KCNAB1: variants seen among roughly 807,000 people sequenced by gnomAD.
KCNAB1 encodes voltage-gated potassium channel subunit beta-1.
Under a neutral mutation model 64.6 loss-of-function variants are expected in KCNAB1, and 35 were observed. The observed-to-expected ratio is 0.54, with a 90% confidence interval of 0.41 to 0.72. The LOEUF is 0.72. Among genes scored for constraint, KCNAB1 ranks in the 30% least tolerant of loss-of-function variants. The pLI, the probability that KCNAB1 is intolerant of heterozygous loss-of-function variation, is 0.00. For synonymous variants in KCNAB1, 177 were observed against 183.8 expected (o/e 0.96, Z 0.30); for missense variants, 401 against 512.9 (o/e 0.78, Z 2.11).
At chr3:156,433,099 A>G (rs914070390) in intron 2 of KCNAB1, among the ~76,000 whole-genome samples, 5 of 152,128 alleles carry the variant, frequency 3.3e-5, no homozygotes, top group African/African-American at 7.2e-5. Context: ...CATGGATTTC[A>G]CAAAGATGCA....
intron 12 of KCNAB1, among the ~76,000 whole-genome samples, chr3:156,524,785 C>G (rs1242783443): frequency 7.3e-6 from 1 of 137,584 alleles, no homozygotes; most frequent in Non-Finnish European, 1.5e-5. Context: ...AAGAAAACCC[C>G]AAACCACATC....
rs367665032 is a variant in KCNAB1, at chr3:156,120,698, A to G, written c.87A>G (p.Ala29=). The G allele has an allele frequency of 2.5e-6, 4 of 1,614,140 alleles. No homozygotes were observed. In the African/African-American group the frequency reaches 4.0e-5, roughly 16 times the overall value. ...KLRRQSGFSV[A]GKDKSPKKAS... ...GGAGACAGTCTGGGTTTTCTGTAGC[A>G]GGGAAAGACAAATCTCCCAAGAAAG... The change falls in exon 1 of 14, where the codon GCA becomes GCG. Residue 29 remains alanine, a synonymous_variant. Transcript: ENST00000490337.
chr3:156,239,874 G>A (rs1004733304), intron 1 of KCNAB1, among the ~76,000 whole-genome samples: 1 of 152,114 alleles, frequency 6.6e-6, no homozygotes, highest in African/African-American at 2.4e-5. Flanking sequence ...CTCACGGAGA[G>A]TATTTGCTTA....
intron 1 of KCNAB1, among the ~76,000 whole-genome samples, chr3:156,211,398 T>C (rs1714994822): frequency 1.3e-5 from 2 of 152,226 alleles, no homozygotes; most frequent in Admixed American, 1.3e-4. Context: ...GTTTTAGATA[T>C]ATGGCCAATG....
chr3:156,217,709 C>G, intron 1 of KCNAB1, among the ~76,000 whole-genome samples: 1 of 152,188 alleles, frequency 6.6e-6, no homozygotes, highest in East Asian at 1.9e-4. Flanking sequence ...ATTTAACATG[C>G]CTGTGCCTCC....
intron 2 of KCNAB1, among the ~76,000 whole-genome samples, chr3:156,430,271 G>T (rs560461473): frequency 6.6e-6 from 1 of 152,208 alleles, no homozygotes; most frequent in Non-Finnish European, 1.5e-5. Flanking sequence ...AGAACTCGAG[G>T]AGAGAAAATA....
intron 1 of KCNAB1, among the ~76,000 whole-genome samples, chr3:156,395,260 T>C (rs549059318): frequency 4.7e-5 from 7 of 150,404 alleles, no homozygotes; most frequent in Non-Finnish European, 1.0e-4. Flanking sequence ...TCAGACATTG[T>C]TAGGGCCGGG....
intron 1 of KCNAB1, among the ~76,000 whole-genome samples, chr3:156,300,433 A>G (rs183788360): frequency 4.6e-5 from 7 of 152,218 alleles, no homozygotes; most frequent in Admixed American, 2.0e-4. Flanking sequence ...CTGACTCCCA[A>G]CTGTAACTAT....
Position 156,171,258 on chromosome 3 carries a change from CTG to C in KCNAB1, c.275+50376_275+50377del, listed in dbSNP as rs148719753. 8.5e-3 allele frequency among the ~76,000 whole-genome samples: 1,268 copies of C among 149,860 alleles called. 19 individuals carry two copies. Among genetic ancestry groups the C allele is most frequent in the African/African-American group, 0.029 (1,201 of 40,780 alleles). On this transcript the variant is annotated intron_variant, in intron 1 of 13. Transcript: ENST00000490337. ...CAGTTCCCATTTATATCATTTTAAC[CTG>C]TGTCACCCCTTGCAGGAACATCCAT...
chr3:156,399,623 G>A (rs1381284887), intron 1 of KCNAB1, among the ~76,000 whole-genome samples: 5 of 152,066 alleles, frequency 3.3e-5, no homozygotes, highest in African/African-American at 4.8e-5. Context: ...AGAGCTGCCC[G>A]GAAGAGACAA....
At chr3:156,353,566 A>G (rs1367540502) in intron 1 of KCNAB1, among the ~76,000 whole-genome samples, 1 of 152,170 alleles carries the variant, frequency 6.6e-6, no homozygotes, top group Admixed American at 6.5e-5. Context: ...TGGCTCAGGG[A>G]CCCTCACAAG....
chr3:156,187,095 C>T (rs1205029064), intron 1 of KCNAB1, among the ~76,000 whole-genome samples: 1 of 152,188 alleles, frequency 6.6e-6, no homozygotes, highest in Non-Finnish European at 1.5e-5. Flanking sequence ...CTCAAGCCAT[C>T]CTCCTGCCTT....
At chr3:156,409,467 T>A (rs536179357) in intron 1 of KCNAB1, among the ~76,000 whole-genome samples, 1 of 152,380 alleles carries the variant, frequency 6.6e-6, no homozygotes, top group South Asian at 2.1e-4. Flanking sequence ...TTTGATTTCA[T>A]TTTCAAGAGA....
intron 1 of KCNAB1, among the ~76,000 whole-genome samples, chr3:156,293,875 G>A (rs1720617198): frequency 6.6e-6 from 1 of 152,242 alleles, no homozygotes; most frequent in South Asian, 2.1e-4. Context: ...CTACTGAGAT[G>A]GAGATGAGCA....
At chr3:156,305,119 C>T (rs1350094239) in intron 1 of KCNAB1, among the ~76,000 whole-genome samples, 2 of 151,868 alleles carry the variant, frequency 1.3e-5, no homozygotes, top group African/African-American at 2.4e-5. Flanking sequence ...TCAAGAGTTT[C>T]AGGATTGTTT....
Position 156,145,099 on chromosome 3 carries a change from G to A in KCNAB1, c.275+24213G>A, listed in dbSNP as rs184564723. On this transcript the variant is annotated intron_variant, in intron 1 of 13. Transcript: ENST00000490337. ...TAGGTTTTGGGCGACTCTTCATGATGCCTTGGTGGGGAAGGCTCTGTTACC... is the reference window on the plus strand; with the variant it reads ...TAGGTTTTGGGCGACTCTTCATGATACCTTGGTGGGGAAGGCTCTGTTACC... Among the ~76,000 whole-genome samples, 5 of 152,278 alleles carry A rather than the reference G, an allele frequency of 3.3e-5. No homozygotes were observed. In the East Asian group the frequency reaches 9.7e-4, roughly 29 times the overall value.
chr3:156,170,191 A>G (rs933749888), intron 1 of KCNAB1, among the ~76,000 whole-genome samples: 7 of 150,488 alleles, frequency 4.7e-5, no homozygotes, highest in African/African-American at 1.5e-4. Context: ...TGTGGGGCCA[A>G]TCGTCATGGG....
In KCNAB1 at chr3:156,229,703, A is replaced by G. The variant is rs533488864; in HGVS notation, c.275+108817A>G. ...AGAGAGGGGTACAGAGAAGAGAGAC[A>G]ATGGATTAACACAGAAATGTATCGA... On this transcript the variant is annotated intron_variant, in intron 1 of 13. Transcript: ENST00000490337. Among the ~76,000 whole-genome samples, 124 of 152,266 alleles carry G rather than the reference A, an allele frequency of 8.1e-4. 1 individual carries two copies. The South Asian group carries it at 0.025, about 30-fold the overall frequency.
At chr3:156,352,587 C>T (rs1487384652) in intron 1 of KCNAB1, among the ~76,000 whole-genome samples, 2 of 152,342 alleles carry the variant, frequency 1.3e-5, no homozygotes, top group South Asian at 4.1e-4. Flanking sequence ...AGGAACCTTA[C>T]TCGGCCCTGG....
Sources: gnomAD v4.1 joint callset for allele counts (sites outside exome capture counted in the v4.1 genomes callset) on GRCh38, gnomAD v4.1.1 for gene constraint, MANE v1.5 for transcripts, NCBI Gene and HGNC (gene_info 2026-07-23, HGNC 2026-07-21) for gene names.